Variants in EHBP1 observed in about 807,000 individuals in gnomAD.
The protein encoded by EHBP1 is EH domain-binding protein 1.
EHBP1 carries 55 observed loss-of-function variants against 144.0 expected under a neutral mutation model. That is an observed-to-expected ratio of 0.38 (90% CI 0.31 to 0.48). The LOEUF is 0.48. Ranked by LOEUF, EHBP1 falls within the 20% of genes least tolerant of loss-of-function variation. EHBP1 has a pLI of 0.98. For synonymous variants in EHBP1, 469 were observed against 472.7 expected (o/e 0.99, Z 0.10); for missense variants, 1,200 against 1,364.2 (o/e 0.88, Z 1.90).
chr2:62,884,441 G>C (rs545700708), intron 10 of EHBP1, among the ~76,000 whole-genome samples: 10 of 152,322 alleles, frequency 6.6e-5, no homozygotes, highest in African/African-American at 2.4e-4. Flanking sequence ...TGTGGGCCCC[G>C]TGGGGTTTTA....
chr2:63,031,933 CAAAA>C (rs1385828492), intron 19 of EHBP1, among the ~76,000 whole-genome samples: 2 of 151,324 alleles, frequency 1.3e-5, no homozygotes, highest in Admixed American at 1.3e-4. Flanking sequence ...TGTCTCAAAA[CAAAA>C]AACAAAAACA....
At chr2:62,679,328 C>T (rs1457510371) in intron 1 of EHBP1, among the ~76,000 whole-genome samples, 2 of 152,210 alleles carry the variant, frequency 1.3e-5, no homozygotes, top group Non-Finnish European at 2.9e-5. Context: ...ATACCATAGC[C>T]TCTCCAGAAA....
chr2:62,734,597 G>C (rs1378676090), intron 2 of EHBP1, among the ~76,000 whole-genome samples: 1 of 151,928 alleles, frequency 6.6e-6, no homozygotes, highest in Non-Finnish European at 1.5e-5. Flanking sequence ...CTTGTTTTTT[G>C]AACCTCTGAC....
chr2:62,841,566 C>G (rs553874274), intron 7 of EHBP1, among the ~76,000 whole-genome samples: 2 of 152,288 alleles, frequency 1.3e-5, no homozygotes, highest in African/African-American at 4.8e-5. Context: ...TGATTCTCTT[C>G]TTTATTTAAA....
In EHBP1 at chr2:62,679,387, C is replaced by G. The variant is rs201428732; in HGVS notation, c.-296+5304C>G. Among the ~76,000 whole-genome samples, 6 of 152,278 alleles carry G rather than the reference C, an allele frequency of 3.9e-5. No individual in the cohort carries two copies. In the East Asian group the frequency reaches 9.6e-4, roughly 24 times the overall value. On this transcript the variant is annotated intron_variant, in intron 1 of 22. Coordinates refer to the EHBP1 transcript ENST00000405015. ...TCCGGTCGATTAGTTTTTCCTTATC[C>G]CCTGCAAATATGACATCACTGGTAT...
intron 16 of EHBP1, 32 bp downstream of exon 16, chr2:62,990,872 A>T: frequency 6.4e-7 from 1 of 1,572,556 alleles, no homozygotes; most frequent in Non-Finnish European, 8.6e-7. Flanking sequence ...CATTTGGCTT[A>T]GTATCTGTGT....
At position 62,955,623 on chromosome 2, in the gene EHBP1, A is replaced by G. The variant is rs1441401279; in HGVS notation, c.2423A>G (p.Asn808Ser). Residue 808 changes from asparagine to serine, a missense_variant, in exon 14 of 23, where the codon AAC (asparagine) becomes AGC (serine). This residue lies in a region of EHBP1 where 543 missense variants were observed against 513.1 expected (regional missense o/e 1.06). Transcript: ENST00000431489. Reference protein sequence around the residue: ...ALKAGNKHNTNTATPFCNRQL... With the variant: ...ALKAGNKHNTSTATPFCNRQL... The stretch of plus-strand genomic sequence containing the variant: ...AAGGCGGGGAATAAGCACAATACCA[A>G]CACAGCCACCCCATTCTGCAACAGG... 5.0e-6 allele frequency: 8 copies of G among 1,612,522 alleles called. No individual in the cohort carries two copies. Among genetic ancestry groups the G allele is most frequent in the Non-Finnish European group, 5.9e-6 (7 of 1,179,100 alleles).
intron 19 of EHBP1, among the ~76,000 whole-genome samples, chr2:63,020,221 G>A (rs1326192569): frequency 1.3e-5 from 2 of 151,636 alleles, no homozygotes; most frequent in Admixed American, 6.6e-5. Flanking sequence ...CTACTTGAGA[G>A]GCTGAGTCAG....
intron 10 of EHBP1, among the ~76,000 whole-genome samples, chr2:62,923,455 C>CGAAAAG (rs2055245748): frequency 6.6e-6 from 1 of 152,190 alleles, no homozygotes; most frequent in East Asian, 1.9e-4. Flanking sequence ...GTGCCCCACC[C>CGAAAAG]TCTACAGAAA....
intron 19 of EHBP1, among the ~76,000 whole-genome samples, chr2:63,013,031 A>G (rs1574470831): frequency 6.6e-6 from 1 of 152,338 alleles, no homozygotes; most frequent in South Asian, 2.1e-4. Flanking sequence ...CGAGTAGGGT[A>G]ATAACTTATT....
rs540491419 is a variant in EHBP1, at chr2:62,681,160, A to G, written c.-296+7077A>G. Among the ~76,000 whole-genome samples, 36 of 151,084 alleles carry G rather than the reference A, an allele frequency of 2.4e-4. 1 individual carries two copies. In the South Asian group the frequency reaches 4.8e-3, roughly 20 times the overall value. On this transcript the variant is annotated intron_variant, in intron 1 of 22. Transcript: ENST00000405015. ...AAACCCCGTCTCTACTAAAAATACAAAGATTAGCCAGGCATGGTGGTGGCC... is the reference window on the plus strand; with the variant it reads ...AAACCCCGTCTCTACTAAAAATACAGAGATTAGCCAGGCATGGTGGTGGCC...
At chr2:62,956,688 G>GAAAA (rs552448173) in intron 14 of EHBP1, among the ~76,000 whole-genome samples, 3 of 107,500 alleles carry the variant, frequency 2.8e-5, no homozygotes, top group Non-Finnish European at 4.1e-5. Flanking sequence ...TCTACTTACA[G>GAAAA]AAAAAAAAAA....
chr2:62,890,265 G>C (rs1195814932), intron 10 of EHBP1, among the ~76,000 whole-genome samples: 1 of 152,004 alleles, frequency 6.6e-6, no homozygotes, highest in East Asian at 1.9e-4. Flanking sequence ...GTTTTTTCTA[G>C]TTCTGTGAAG....
intron 5 of EHBP1, among the ~76,000 whole-genome samples, chr2:62,811,654 A>G (rs1248225841): frequency 7.2e-5 from 11 of 152,168 alleles, no homozygotes; most frequent in Admixed American, 6.5e-4. Flanking sequence ...AGTGAAAAGT[A>G]CCCACAAACA....
chr2:62,914,817 G>A (rs535909758), intron 10 of EHBP1, among the ~76,000 whole-genome samples: 36 of 152,126 alleles, frequency 2.4e-4, no homozygotes, highest in African/African-American at 8.7e-4. Flanking sequence ...AACTTAGGTT[G>A]AAAAGGAATG....
At chr2:62,688,435 A>G (rs1189890838) in intron 1 of EHBP1, among the ~76,000 whole-genome samples, 5 of 152,196 alleles carry the variant, frequency 3.3e-5, no homozygotes, top group Non-Finnish European at 7.4e-5. Context: ...TGATCAGATC[A>G]GGGTAATTCA....
At chr2:62,904,270 C>G (rs1322332628) in intron 10 of EHBP1, among the ~76,000 whole-genome samples, 1 of 152,262 alleles carries the variant, frequency 6.6e-6, no homozygotes, top group East Asian at 1.9e-4. Flanking sequence ...TGAAATACTC[C>G]GAGTACTTCC....
intron 15 of EHBP1, among the ~76,000 whole-genome samples, chr2:62,984,959 A>AT (rs1219812975): frequency 6.6e-6 from 1 of 151,780 alleles, no homozygotes; most frequent in Non-Finnish European, 1.5e-5. Flanking sequence ...AGACTTACCT[A>AT]TTTTTTTTCA....
chr2:62,856,118 A>G (rs1009800518), intron 7 of EHBP1, among the ~76,000 whole-genome samples: 2 of 152,160 alleles, frequency 1.3e-5, no homozygotes, highest in Non-Finnish European at 2.9e-5. Flanking sequence ...TTGCCTGTGT[A>G]CCTCATTCTT....
Sources: allele counts gnomAD v4.1 joint callset (sites outside exome capture counted in the v4.1 genomes callset), GRCh38; gene constraint gnomAD v4.1.1; regional missense constraint gnomAD v4.1.1; transcripts MANE v1.5; gene names NCBI Gene and HGNC (gene_info 2026-07-23, HGNC 2026-07-21).